The following TECPR1 variants were observed in gnomAD, a reference collection of about 807,000 sequenced individuals.
The protein encoded by TECPR1 is tectonin beta-propeller repeat containing 1.
Under a neutral mutation model 162.4 loss-of-function variants are expected in TECPR1, and 122 were observed. The ratio of observed to expected loss-of-function variants is 0.75; its 90% CI spans 0.65 to 0.87. The LOEUF is 0.87. Among genes scored for constraint, TECPR1 ranks in the 40% least tolerant of loss-of-function variants. The probability of loss-of-function intolerance (pLI) is 0.00; values close to 1 mark genes in which losing one functional copy is unlikely to be tolerated. For missense variants in TECPR1, 1,432 were observed against 1,618.2 expected, an observed-to-expected ratio of 0.88 and a Z score of 1.97; for synonymous variants, 642 against 670.6, an observed-to-expected ratio of 0.96 and a Z score of 0.66.
chr7:98,240,597 T>A (rs1798718426), intron 8 of TECPR1, among the ~76,000 whole-genome samples: 1 of 152,104 alleles, frequency 6.6e-6, no homozygotes, highest in Admixed American at 6.5e-5. Flanking sequence ...GTATTTTTAG[T>A]AGAAACAAGG....
chr7:98,217,829 T>C lies in TECPR1; in HGVS notation c.3265-18A>G, dbSNP rs992405000. The C allele has an allele frequency of 6.3e-5, 97 of 1,546,948 alleles. No individual in the cohort carries two copies. Among genetic ancestry groups the C allele is most frequent in the Non-Finnish European group, 8.3e-5 (95 of 1,144,294 alleles). ...ACCCAGACCTGGAGCACAGACCCCATGAAGCCCTCAGCCCTACCTGCAGTG... is the reference window on the plus strand; with the variant it reads ...ACCCAGACCTGGAGCACAGACCCCACGAAGCCCTCAGCCCTACCTGCAGTG... On this transcript the variant is annotated intron_variant, in intron 24 of 25. Transcript: ENST00000447648.
Position 98,244,855 on chromosome 7 carries a change from G to C in TECPR1, c.408+30C>G, listed in dbSNP as rs1048349505. ...GCGGGAGGCACCCCCTCCCCACAGG[G>C]CAGTCATGGAGGGTCCCAAGTTCAC... is the stretch of plus-strand genomic sequence containing the variant. On this transcript the variant is annotated intron_variant, in intron 4 of 25. Coordinates refer to ENST00000447648, the MANE Select transcript of TECPR1 (RefSeq NM_015395.3). 5 of 1,611,126 alleles carry C rather than the reference G, an allele frequency of 3.1e-6. No individual in the cohort carries two copies. In the African/African-American group the frequency reaches 6.7e-5, roughly 22 times the overall value.
chr7:98,227,187 T>G (rs1798297271), intron 17 of TECPR1, among the ~76,000 whole-genome samples: 1 of 150,140 alleles, frequency 6.7e-6, no homozygotes, highest in Non-Finnish European at 1.5e-5. Context: ...AGGTCAGGAA[T>G]TCAAGACCAG....
chr7:98,223,243 A>G, intron 20 of TECPR1, 73 bp from the exon 21 acceptor site: 2 of 1,440,932 alleles, frequency 1.4e-6, no homozygotes, highest in Non-Finnish European at 1.9e-6. Flanking sequence ...CTGCCTCTGG[A>G]GCCAGGAGGA....
In TECPR1 at chr7:98,223,080, G is replaced by A. The variant is rs199624971; in HGVS notation, c.2838C>T (p.Ala946=). The stretch of plus-strand genomic sequence containing the variant: ...GGGCGATGCTGTGCCCACTCCCCTC[G>A]GCACCCGGGCTCTCCGGGATGATGG... ...DVSIIPESPG[A]EGSGHSIALW... is the part of the protein sequence containing the mutation. The change falls in exon 21 of 26, where the codon GCC becomes GCT. Residue 946 remains alanine, a synonymous_variant. Transcript: ENST00000447648. 2.4e-5 allele frequency: 38 copies of A among 1,604,326 alleles called. No homozygotes were observed. Among genetic ancestry groups the A allele is most frequent in the East Asian group, 1.8e-4 (8 of 44,444 alleles).
Position 98,231,891 on chromosome 7 carries a change from C to T in TECPR1, c.1887G>A (p.Val629=), listed in dbSNP as rs766713669. 4 of 1,611,916 alleles carry T rather than the reference C, an allele frequency of 2.5e-6. No individual in the cohort carries two copies. The highest frequency in any genetic ancestry group is 3.4e-6 in the Non-Finnish European group (4 of 1,179,836). ...CCGTGAACTGCTCCAGGGCCAAGCG[C>T]ACGTCCACCCACTTGTGGGGCTTCC... ...CDWKPHKWVD[V]RLALEQFTGH... The change falls in exon 13 of 26, where the codon GTG becomes GTA. Residue 629 remains valine, a synonymous_variant. Coordinates refer to ENST00000447648, the MANE Select transcript of TECPR1 (RefSeq NM_015395.3).
intron 2 of TECPR1, among the ~76,000 whole-genome samples, chr7:98,248,449 C>T (rs1798968418): frequency 6.8e-6 from 1 of 147,176 alleles, no homozygotes; most frequent in South Asian, 2.1e-4. Context: ...ATACCAGAGC[C>T]ATGCGGGTGC....
chr7:98,229,113 C>G lies in TECPR1; in HGVS notation c.2336G>C (p.Gly779Ala). 6.4e-7 allele frequency: 1 copy of G among 1,572,584 alleles called. No homozygotes were observed. The highest frequency in any genetic ancestry group is 8.6e-7 in the Non-Finnish European group (1 of 1,159,948). Residue 779 changes from glycine (G) to alanine (A), a missense_variant, in exon 16 of 26, where the codon GGC becomes GCC. Gly to Ala is a moderately conservative substitution (Grantham distance 60). Transcript: ENST00000447648. ...GTCATAGCCGATGCCCCACACCACGCCCCGGCTGTTGGCCTCCACCATCCG... is the reference window on the plus strand; with the variant it reads ...GTCATAGCCGATGCCCCACACCACGGCCCGGCTGTTGGCCTCCACCATCCG... ...HLRMVEANSR[G>A]VVWGIGYDHT... is the part of the protein sequence containing the mutation.
chr7:98,218,049 AG>A lies in TECPR1; in HGVS notation c.3158-8del, dbSNP rs1343737377. ...TGGCGATACCACAGGTTTCCTGGGG[AG>A]AAAAGCAGTGAGGGTCAAAGGGGAA... On this transcript the variant is annotated splice_region_variant and splice_polypyrimidine_tract_variant and intron_variant, in intron 23 of 25. Coordinates refer to ENST00000447648, the MANE Select transcript of TECPR1 (RefSeq NM_015395.3). 6.4e-7 allele frequency: 1 copy of A among 1,556,862 alleles called. No individual in the cohort carries two copies. The highest frequency in any genetic ancestry group is 1.9e-5 in the Admixed American group (1 of 51,728).
rs1798351117 is a variant in TECPR1 at position 98,229,027 on chromosome 7, G to A, written c.2410+12C>T. The A allele has an allele frequency of 1.2e-6, 2 of 1,600,038 alleles. No individual in the cohort carries two copies. Among genetic ancestry groups the A allele is most frequent in the African/African-American group, 2.7e-5 (2 of 74,726 alleles). On this transcript the variant is annotated intron_variant, in intron 16 of 25. Coordinates refer to ENST00000447648, the MANE Select transcript of TECPR1 (RefSeq NM_015395.3). ...CCAGGAAGGCTCCGGGGGGGCTGTG[G>A]GCCGCCCTCACCTTGGAAGCAGCCG... is the stretch of plus-strand genomic sequence containing the variant.
In TECPR1 at chr7:98,221,728, G is replaced by C. The variant is rs897408466; in HGVS notation, c.3090C>G (p.Ser1030=). The change falls in exon 23 of 26, where the codon TCC becomes TCG. Residue 1030 remains serine, a synonymous_variant. Transcript: ENST00000447648. The stretch of plus-strand genomic sequence containing the variant: ...CCTGCTTCAGCCTCTGTCTCGGTGG[G>C]GACGGGATGTGGTACCAGCAGTCAC... The part of the protein sequence containing the change: ...PAGDCWYHIP[S]PPRQRLKQVS... 30 of 1,606,390 alleles carry C rather than the reference G, an allele frequency of 1.9e-5. No homozygotes were observed. Among genetic ancestry groups the C allele is most frequent in the Non-Finnish European group, 2.5e-5 (30 of 1,177,022 alleles).
Position 98,241,005 on chromosome 7 carries a change from G to A in TECPR1, c.833-54C>T. 24 of 1,585,474 alleles carry A rather than the reference G, an allele frequency of 1.5e-5. No homozygotes were observed. Among genetic ancestry groups the A allele is most frequent in the Non-Finnish European group, 2.1e-5 (24 of 1,166,790 alleles). ...GCCCCCATCAGCCTGGACAGCTGGGGAGCGAGTGACCCTCACCCTTCTCCC... is the reference window on the plus strand; with the variant it reads ...GCCCCCATCAGCCTGGACAGCTGGGAAGCGAGTGACCCTCACCCTTCTCCC... On this transcript the variant is annotated intron_variant, in intron 7 of 25. Transcript: ENST00000447648. The surrounding 1 kb of genome is among the most constrained non-coding windows in gnomAD (Gnocchi z 5.0).
chr7:98,225,166 C>G, intron 17 of TECPR1, 64 bp from the exon 18 acceptor site: 1 of 1,408,818 alleles, frequency 7.1e-7, no homozygotes, highest in Non-Finnish European at 9.8e-7. Context: ...CACTCAGACA[C>G]CCCCATAACA....
chr7:98,238,496 C>A lies in TECPR1; in HGVS notation c.1035+13G>T. The A allele has an allele frequency of 6.4e-7, 1 of 1,553,520 alleles. No individual in the cohort carries two copies. The highest frequency in any genetic ancestry group is 8.7e-7 in the Non-Finnish European group (1 of 1,148,614). ...ACCCCTGCTGTTTAGGGGCTGCAGA[C>A]CCACGTGCACACCTGGTCGTTCATT... On this transcript the variant is annotated intron_variant, in intron 9 of 25. Coordinates refer to ENST00000447648, the MANE Select transcript of TECPR1 (RefSeq NM_015395.3).
chr7:98,243,543 AG>A lies in TECPR1; in HGVS notation c.580del (p.Leu194SerfsTer3). On this transcript the variant is annotated frameshift_variant, in exon 6 of 26. Transcript: ENST00000447648. LOFTEE classifies it high-confidence loss of function. ...PKELPDPFNDLSVGGWEITEE... is the reference protein window; with the variant it reads ...PKELPDPFNDXSVGGWEITEE... ...CGTGATCTCCCAGCCCCCTACAGAG[AG>A]GTCGTTGAAGGGGTCGGGCAGCTCC... 6.2e-7 allele frequency: 1 copy of A among 1,612,510 alleles called. No individual in the cohort carries two copies.
At position 98,231,104 on chromosome 7, in the gene TECPR1, G is replaced by A. The variant is rs1475635787; in HGVS notation, c.2139C>T (p.Ser713=). The A allele has an allele frequency of 1.2e-6, 2 of 1,601,122 alleles. No individual in the cohort carries two copies. The highest frequency in any genetic ancestry group is 1.7e-6 in the Non-Finnish European group (2 of 1,175,124). Residue 713 remains serine (S), a synonymous_variant, in exon 15 of 26, where the codon AGC becomes AGT. Transcript: ENST00000447648. The part of the protein sequence containing the change: ...QDMNDWLALL[S]LSCCESRKVQ... ...CCTTCCGGCTCTCGCAGCAAGACAG[G>A]CTGAGCAGGGCGAGCTGGTGTGGCA...
At chr7:98,224,766 C>T (rs1157925192) in intron 19 of TECPR1, 35 bp downstream of exon 19, 4 of 1,551,286 alleles carry the variant, frequency 2.6e-6, no homozygotes, top group South Asian at 1.2e-5. Flanking sequence ...ACATTCAGGA[C>T]CCAGCCCGAA....
In TECPR1 at chr7:98,241,302, C is replaced by T. The variant is rs1236736446; in HGVS notation, c.658-58G>A. The T allele has an allele frequency of 1.1e-5, 18 of 1,593,786 alleles. No individual in the cohort carries two copies. Among genetic ancestry groups the T allele is most frequent in the South Asian group, 2.2e-5 (2 of 89,218 alleles). On this transcript the variant is annotated intron_variant, in intron 6 of 25. Coordinates refer to ENST00000447648, the MANE Select transcript of TECPR1 (RefSeq NM_015395.3). This position sits in a 1 kb window ranked among gnomAD's most constrained non-coding sequence, Gnocchi z 5.0. ...TCAACTCATTCACACCAGCCAAGCA[C>T]GGGGGTCTCGGTGTGGTAGGGGGTA...
intron 23 of TECPR1, among the ~76,000 whole-genome samples, chr7:98,218,614 C>T (rs1286789581): frequency 6.6e-6 from 1 of 152,176 alleles, no homozygotes; most frequent in African/African-American, 2.4e-5. Context: ...CCTTTTACAA[C>T]AGCTGCAAAA....
Sources: gnomAD v4.1 joint callset for allele counts (sites outside exome capture counted in the v4.1 genomes callset) on GRCh38, gnomAD v4.1.1 for gene constraint, Gnocchi (gnomAD v3.1) non-coding constraint, MANE v1.5 for transcripts, NCBI Gene and HGNC (gene_info 2026-07-23, HGNC 2026-07-21) for gene names.